The following LIPC variants were observed in gnomAD, a reference collection of about 807,000 sequenced individuals.
LIPC encodes lipase C, hepatic type, also known as hepatic triacylglycerol lipase.
Under a neutral mutation model 50.7 loss-of-function variants are expected in LIPC, and 44 were observed. The observed-to-expected ratio is 0.87, with a 90% confidence interval of 0.68 to 1.11. The LOEUF (loss-of-function observed/expected upper bound fraction) is 1.11, where lower values mean the gene tolerates loss of function less well. LIPC is among the 50% of genes most tolerant of loss of function. The pLI is 0.00. For missense variants in LIPC, 697 were observed against 648.2 expected (o/e 1.08, Z -0.82); for synonymous variants, 271 against 256.4 (o/e 1.06, Z -0.54).
At chr15:58,495,365 C>A (rs755423980) in intron 1 of LIPC, among the ~76,000 whole-genome samples, 7 of 152,238 alleles carry the variant, frequency 4.6e-5, no homozygotes, top group Non-Finnish European at 8.8e-5. Flanking sequence ...ATGCAACCTT[C>A]GTAGATACTC....
chr15:58,562,809 C>CCG (rs1323346626), intron 7 of LIPC, among the ~76,000 whole-genome samples: 3 of 151,520 alleles, frequency 2.0e-5, no homozygotes, highest in Admixed American at 1.3e-4. Context: ...CAAGGGACCC[C>CCG]CCCCCAACCC....
At chr15:58,567,618 T>C (rs1894436922) in intron 8 of LIPC, among the ~76,000 whole-genome samples, 1 of 151,996 alleles carries the variant, frequency 6.6e-6, no homozygotes, top group Non-Finnish European at 1.5e-5. Flanking sequence ...GAGAAAATCT[T>C]AATGTCTAAC....
chr15:58,435,812 G>A (rs1320913789), intron 1 of LIPC: 1 of 152,214 alleles, frequency 6.6e-6, no homozygotes, highest in Non-Finnish European at 1.5e-5. Flanking sequence ...TTGGTACGCT[G>A]AGGCAGGAGA....
chr15:58,464,912 G>A (rs1185304394), intron 1 of LIPC, among the ~76,000 whole-genome samples: 2 of 152,178 alleles, frequency 1.3e-5, no homozygotes, highest in Non-Finnish European at 2.9e-5. Context: ...GGTGGAGGTT[G>A]CAGTGAGCCA....
At chr15:58,537,850 G>C (rs1196866799) in intron 1 of LIPC, among the ~76,000 whole-genome samples, 1 of 152,062 alleles carries the variant, frequency 6.6e-6, no homozygotes. Flanking sequence ...CTGTCTGCAC[G>C]TGAGGACAAG....
intron 1 of LIPC, among the ~76,000 whole-genome samples, chr15:58,521,070 C>T (rs752024527): frequency 6.6e-6 from 1 of 152,086 alleles, no homozygotes; most frequent in Non-Finnish European, 1.5e-5. Context: ...TCCTAGAGGG[C>T]GGACAGAGGC....
At chr15:58,523,245 G>A (rs1418536728) in intron 1 of LIPC, 1 of 152,432 alleles carries the variant, frequency 6.6e-6, no homozygotes, top group Non-Finnish European at 1.5e-5. Flanking sequence ...CATCTGCCGA[G>A]TCAGTTCTGC....
chr15:58,511,805 C>T (rs1892337729), intron 1 of LIPC, among the ~76,000 whole-genome samples: 1 of 152,166 alleles, frequency 6.6e-6, no homozygotes, highest in African/African-American at 2.4e-5. Context: ...TAAGTTACAA[C>T]AGTAGAGGGT....
chr15:58,548,213 C>T, intron 5 of LIPC, 117 bp from the exon 6 acceptor site: 4 of 1,374,862 alleles, frequency 2.9e-6, no homozygotes, highest in Non-Finnish European at 4.1e-6. Flanking sequence ...CAAGCCCACC[C>T]TTGCCTGTTC....
chr15:58,548,191 G>T (rs371200300), intron 5 of LIPC, 139 bp from the exon 6 acceptor site: 1 of 1,036,060 alleles, frequency 9.7e-7, no homozygotes, highest in Non-Finnish European at 1.5e-6. Flanking sequence ...CTTGTCAAGG[G>T]GTCTGCCTTG....
chr15:58,489,217 C>CCGG lies in LIPC; in HGVS notation c.89-49116_89-49115insCGG, dbSNP rs1555400838. Among the ~76,000 whole-genome samples the CCGG allele has an allele frequency of 1.8e-4, 3 of 16,546 alleles. 1 individual carries two copies. Among genetic ancestry groups the CCGG allele is most frequent in the Non-Finnish European group, 5.3e-4 (3 of 5,682 alleles). 10.9% of individuals were successfully genotyped at this position (16,546 alleles called of 152,430 possible). ...CAACCATTAGGGATTCATTTTGTTGCGGGGGCGGGGGGGCGGCTTACAAGC... is the reference window on the plus strand; with the variant it reads ...CAACCATTAGGGATTCATTTTGTTGCCGGGGGGGCGGGGGGGCGGCTTACAAGC... On this transcript the variant is annotated intron_variant, in intron 1 of 8. Coordinates refer to ENST00000299022, the MANE Select transcript of LIPC (RefSeq NM_000236.3).
At position 58,503,669 on chromosome 15, in the gene LIPC, G is replaced by T. The variant is rs187267746; in HGVS notation, c.89-34664G>T. On this transcript the variant is annotated intron_variant, in intron 1 of 8. Transcript: ENST00000299022. The stretch of plus-strand genomic sequence containing the variant: ...GGGTTCCACTGGGCCGCACCACCCA[G>T]CCCGGGGTGGCCCCAAAGGCAGAGG... Among the ~76,000 whole-genome samples, 599 of 152,336 alleles carry T rather than the reference G, an allele frequency of 3.9e-3. 3 individuals are homozygous for T. The highest frequency in any genetic ancestry group is 0.011 in the African/African-American group (460 of 41,580).
chr15:58,471,845 C>T (rs1267021466), intron 1 of LIPC, among the ~76,000 whole-genome samples: 1 of 152,212 alleles, frequency 6.6e-6, no homozygotes, highest in African/African-American at 2.4e-5. Flanking sequence ...CCAGTCCAGC[C>T]ACGTGCCCTT....
At chr15:58,500,788 T>C (rs1029735143) in intron 1 of LIPC, among the ~76,000 whole-genome samples, 3 of 134,664 alleles carry the variant, frequency 2.2e-5, no homozygotes, top group South Asian at 2.6e-4. Context: ...TTTGACACTT[T>C]TAGATTTGAT....
intron 6 of LIPC, among the ~76,000 whole-genome samples, chr15:58,557,423 C>T (rs1215866063): frequency 9.4e-6 from 1 of 106,786 alleles, no homozygotes; most frequent in Non-Finnish European, 1.7e-5. Context: ...CTTGCTCTGT[C>T]ACCCAGGCTG....
chr15:58,453,303 C>T (rs867654925), intron 1 of LIPC, among the ~76,000 whole-genome samples: 2 of 152,098 alleles, frequency 1.3e-5, no homozygotes, highest in African/African-American at 4.8e-5. Context: ...CACATGGGAC[C>T]TAGAATAGCA....
At chr15:58,499,862 T>C (rs763995633) in intron 1 of LIPC, among the ~76,000 whole-genome samples, 2 of 152,206 alleles carry the variant, frequency 1.3e-5, no homozygotes, top group African/African-American at 2.4e-5. Context: ...AAATAGGATG[T>C]GGTCACGGTG....
chr15:58,445,432 T>A (rs895764569), intron 1 of LIPC, among the ~76,000 whole-genome samples: 2 of 152,218 alleles, frequency 1.3e-5, no homozygotes, highest in Non-Finnish European at 2.9e-5. Context: ...CGGCTGCCAC[T>A]TTCTCATCAT....
chr15:58,472,553 G>A (rs1316029737), intron 1 of LIPC, among the ~76,000 whole-genome samples: 4 of 135,910 alleles, frequency 2.9e-5, no homozygotes, highest in Non-Finnish European at 4.6e-5. Context: ...TCCAGCCTGG[G>A]CAAGAGAGTG....
Sources: gnomAD v4.1 joint callset for allele counts (sites outside exome capture counted in the v4.1 genomes callset) on GRCh38, gnomAD v4.1.1 for gene constraint, MANE v1.5 for transcripts, NCBI Gene and HGNC (gene_info 2026-07-23, HGNC 2026-07-21) for gene names.